Variants in KNDC1 observed in about 807,000 individuals in gnomAD.
KNDC1 encodes the protein kinase non-catalytic C-lobe domain-containing protein 1.
KNDC1 carries 106 observed loss-of-function variants against 172.8 expected under a neutral mutation model. The observed-to-expected ratio is 0.61, with a 90% CI of 0.52 to 0.72. The LOEUF (loss-of-function observed/expected upper bound fraction) is 0.72. KNDC1 is among the 30% of genes least tolerant of loss of function. The probability of loss-of-function intolerance (pLI) is 0.00; values close to 1 mark genes in which losing one functional copy is unlikely to be tolerated. For missense variants in KNDC1, 2,325 were observed against 2,394.5 expected (o/e 0.97, Z 0.61); for synonymous variants, 1,083 against 1,062.2 (o/e 1.02, Z -0.38).
At chr10:133,168,355 T>A in intron 3 of KNDC1, 43 bp downstream of exon 3, 1 of 1,567,486 alleles carries the variant, frequency 6.4e-7, no homozygotes. Context: ...CCCTTTTACC[T>A]CTATGGTGGC....
At chr10:133,206,974 G>A (rs376056528) in intron 19 of KNDC1, 21 bp downstream of exon 19, 87 of 1,605,036 alleles carry the variant, frequency 5.4e-5, no homozygotes, top group Admixed American at 1.7e-4. Context: ...TCCGGGCCCC[G>A]CTCTGCCCCG....
chr10:133,164,593 A>T (rs529537866), intron 1 of KNDC1, among the ~76,000 whole-genome samples: 1 of 152,292 alleles, frequency 6.6e-6, no homozygotes, highest in South Asian at 2.1e-4. Flanking sequence ...ACTCCTGTCG[A>T]GGCCACCTCG....
chr10:133,218,987 G>T, intron 27 of KNDC1, 34 bp downstream of exon 27: 2 of 1,613,700 alleles, frequency 1.2e-6, no homozygotes, highest in Middle Eastern at 1.7e-4. Flanking sequence ...GCGGGGGTGG[G>T]TACCCGCACG....
At position 133,189,617 on chromosome 10, in the gene KNDC1, C is replaced by T. The variant is rs371489440; in HGVS notation, c.1461C>T (p.Ser487=). Residue 487 remains serine, a synonymous_variant, in exon 8 of 30, where the codon TCC becomes TCT. Transcript: ENST00000304613. ...CCACAGCCTACCTGTGTCTGGACTC[C>T]GTGCTGGTTGCTGAGGACGGGGCTG... ...PEHPAYLCLD[S]VLVAEDGAVL... 14 of 1,613,572 alleles carry T rather than the reference C, an allele frequency of 8.7e-6. No homozygotes were observed. The highest frequency in any genetic ancestry group is 5.3e-5 in the African/African-American group (4 of 74,928).
At position 133,195,713 on chromosome 10, in the gene KNDC1, C is replaced by T. The variant is rs377277523; in HGVS notation, c.1626C>T (p.Ser542=). Reference sequence around the variant, plus strand: ...TTCTGTGGACCGCAGCCAAGTTCAGCGTCCCCCGCAACCACAAGCTGGCCC... The same window carrying T: ...TTCTGTGGACCGCAGCCAAGTTCAGTGTCCCCCGCAACCACAAGCTGGCCC... ...AAVLWTAAKF[S]VPRNHKLALP... Residue 542 remains serine (S), a synonymous_variant, in exon 10 of 30, where the codon AGC becomes AGT. Coordinates refer to ENST00000304613, the MANE Select transcript of KNDC1 (RefSeq NM_152643.8). 2.7e-5 allele frequency: 43 copies of T among 1,612,578 alleles called. No individual in the cohort carries two copies. The Admixed American group carries it at 3.7e-4, about 14-fold the overall frequency.
In KNDC1 at chr10:133,199,035, G is replaced by C. The variant is rs778880228; in HGVS notation, c.2527G>C (p.Glu843Gln). 6.5e-5 allele frequency: 103 copies of C among 1,582,144 alleles called. No homozygotes were observed. The highest frequency in any genetic ancestry group is 8.7e-5 in the Non-Finnish European group (101 of 1,165,752). Reference sequence around the variant, plus strand: ...CAAGGCCACCGAGCGCCCGGGCCAGGAGCCAGAGGGCCCCGGGGCCACCCC... The same window carrying C: ...CAAGGCCACCGAGCGCCCGGGCCAGCAGCCAGAGGGCCCCGGGGCCACCCC... ...RSKATERPGQEPEGPGATPAG... is the reference protein window; with the variant it reads ...RSKATERPGQQPEGPGATPAG... The change falls in exon 14 of 30, where the codon GAG becomes CAG. Residue 843 changes from glutamate (E) to glutamine (Q), a missense_variant. Coordinates refer to ENST00000304613, the MANE Select transcript of KNDC1 (RefSeq NM_152643.8).
chr10:133,190,589 G>A (rs1013108591), intron 9 of KNDC1, among the ~76,000 whole-genome samples: 3 of 152,232 alleles, frequency 2.0e-5, no homozygotes, highest in Non-Finnish European at 2.9e-5. Context: ...GCCGGTGACC[G>A]GGAAAAAGCA....
intron 6 of KNDC1, among the ~76,000 whole-genome samples, chr10:133,187,948 C>G (rs1295406915): frequency 7.6e-6 from 1 of 131,906 alleles, no homozygotes; most frequent in Non-Finnish European, 1.5e-5. Context: ...GCACCCCGTC[C>G]CACCCTTCCC....
chr10:133,223,934 C>CGT (rs369555856), intron 29 of KNDC1, among the ~76,000 whole-genome samples: 1,648 of 97,548 alleles, frequency 0.017, 119 homozygotes, highest in African/African-American at 0.064. Flanking sequence ...CTCTTCCCGG[C>CGT]GTGTGTGTGT....
chr10:133,192,078 C>T (rs1284646733), intron 9 of KNDC1, among the ~76,000 whole-genome samples: 1 of 152,184 alleles, frequency 6.6e-6, no homozygotes, highest in Non-Finnish European at 1.5e-5. Context: ...GCTACACTGC[C>T]CAAAGCAATC....
At position 133,168,235 on chromosome 10, in the gene KNDC1, T is replaced by C; in HGVS notation, c.302-19T>C. 1.9e-6 allele frequency: 3 copies of C among 1,610,176 alleles called. No individual in the cohort carries two copies. Among genetic ancestry groups the C allele is most frequent in the Non-Finnish European group, 2.5e-6 (3 of 1,176,734 alleles). ...GGTGTGACCAGAAGCCTTCTCTCCT[T>C]CTCTCTCTCCTCCCCAAGACGACCC... On this transcript the variant is annotated intron_variant, in intron 2 of 29. Coordinates refer to ENST00000304613, the MANE Select transcript of KNDC1 (RefSeq NM_152643.8).
In KNDC1 at chr10:133,199,019, C is replaced by T. The variant is rs763715375; in HGVS notation, c.2511C>T (p.Thr837=). The T allele has an allele frequency of 6.6e-5, 103 of 1,568,414 alleles. No individual in the cohort carries two copies. The highest frequency in any genetic ancestry group is 8.5e-5 in the Non-Finnish European group (99 of 1,158,930). ...HPPKPPRSKA[T]ERPGQEPEGP... ...CCAAGCCCCCACGAAGCAAGGCCACCGAGCGCCCGGGCCAGGAGCCAGAGG... is the reference window on the plus strand; with the variant it reads ...CCAAGCCCCCACGAAGCAAGGCCACTGAGCGCCCGGGCCAGGAGCCAGAGG... Residue 837 remains threonine (T), a synonymous_variant, in exon 14 of 30, where the codon ACC becomes ACT. Coordinates refer to ENST00000304613, the MANE Select transcript of KNDC1 (RefSeq NM_152643.8).
chr10:133,202,564 A>T, intron 17 of KNDC1: 1 of 455,212 alleles, frequency 2.2e-6, no homozygotes, highest in Non-Finnish European at 4.4e-6. Context: ...CCCAGTGGCC[A>T]TCAGCTCCGG....
At chr10:133,195,969 C>A in intron 10 of KNDC1, 148 bp downstream of exon 10, 3 of 848,974 alleles carry the variant, frequency 3.5e-6, no homozygotes. Flanking sequence ...TGTTTCTAGA[C>A]GTCGGCCTGG....
chr10:133,200,894 T>G (rs887986085), intron 16 of KNDC1, among the ~76,000 whole-genome samples: 4 of 152,150 alleles, frequency 2.6e-5, no homozygotes, highest in Admixed American at 1.3e-4. Context: ...CCAGGGCACA[T>G]GAGTGCCAGG....
At position 133,197,061 on chromosome 10, in the gene KNDC1, T is replaced by A; in HGVS notation, c.1738T>A (p.Cys580Ser). The change falls in exon 11 of 30, where the codon TGC becomes AGC. Residue 580 changes from cysteine (C) to serine (S), a missense_variant. By Grantham distance (112) the Cys-to-Ser change is moderately radical (BLOSUM62 -1). Transcript: ENST00000304613. ...GTGAACTGTCTCCTCCCTCCAGGTG[T>A]GCGGCAGCTACCTCCTCCAGCGAGG... Reference protein sequence around the residue: ...RPSAAEAIKVCGSYLLQRGMD... With the variant: ...RPSAAEAIKVSGSYLLQRGMD... 1 of 1,612,764 alleles carries A rather than the reference T, an allele frequency of 6.2e-7. No homozygotes were observed. Among genetic ancestry groups the A allele is most frequent in the Non-Finnish European group, 8.5e-7 (1 of 1,179,528 alleles).
chr10:133,210,785 A>G (rs1845348582), intron 21 of KNDC1, 61 bp downstream of exon 21: 1 of 1,368,042 alleles, frequency 7.3e-7, no homozygotes, highest in African/African-American at 1.4e-5. Context: ...GTGGGCGCCC[A>G]TGGGCCTGGT....
At chr10:133,169,664 C>T (rs566736069) in intron 3 of KNDC1, among the ~76,000 whole-genome samples, 2 of 152,018 alleles carry the variant, frequency 1.3e-5, no homozygotes, top group Non-Finnish European at 2.9e-5. Context: ...TGACGCGGCA[C>T]GTGGCCTGGT....
chr10:133,196,937 A>G (rs1854208599), intron 10 of KNDC1, 121 bp from the exon 11 acceptor site: 1 of 737,344 alleles, frequency 1.4e-6, no homozygotes, highest in South Asian at 1.6e-5. Context: ...GGTGTCGGTG[A>G]GAACAAACAG....
Sources: gnomAD v4.1 joint callset for allele counts (sites outside exome capture counted in the v4.1 genomes callset) on GRCh38, gnomAD v4.1.1 for gene constraint, MANE v1.5 for transcripts, NCBI Gene and HGNC (gene_info 2026-07-23, HGNC 2026-07-21) for gene names.